RIMS1: variants seen among roughly 807,000 people sequenced by gnomAD.
RIMS1 encodes regulating synaptic membrane exocytosis protein 1.
RIMS1 carries 83 observed loss-of-function variants against 214.1 expected under a neutral mutation model. That is an observed-to-expected ratio of 0.39 (90% CI 0.32 to 0.47). RIMS1 has a LOEUF of 0.47. RIMS1 is among the 20% of genes least tolerant of loss of function. RIMS1 has a pLI of 0.99. For missense variants in RIMS1, 2,050 were observed against 2,161.8 expected (o/e 0.95, Z 1.03); for synonymous variants, 793 against 786.8 (o/e 1.01, Z -0.13).
intron 2 of RIMS1, among the ~76,000 whole-genome samples, chr6:72,031,090 G>A (rs1817984722): frequency 6.6e-6 from 1 of 152,120 alleles, no homozygotes; most frequent in African/African-American, 2.4e-5. Context: ...ATTATATCTT[G>A]TAATTATGAA....
intron 4 of RIMS1, among the ~76,000 whole-genome samples, chr6:72,142,546 GAT>G (rs2042204923): frequency 6.6e-6 from 1 of 151,964 alleles, no homozygotes; most frequent in South Asian, 2.1e-4. Flanking sequence ...ATCAATAAAA[GAT>G]AGCTCTTTTA....
chr6:72,261,212 G>C (rs2077834979), intron 19 of RIMS1: 3 of 1,007,982 alleles, frequency 3.0e-6, no homozygotes, highest in Non-Finnish European at 3.6e-6. Flanking sequence ...ATTTATTGTT[G>C]TTTATATTCT....
At chr6:72,190,656 G>A (rs2153980473) in intron 6 of RIMS1, among the ~76,000 whole-genome samples, 1 of 152,164 alleles carries the variant, frequency 6.6e-6, no homozygotes, top group South Asian at 2.1e-4. Flanking sequence ...TGCTGTGGGG[G>A]AGAAGGCAGG....
chr6:72,144,553 C>G (rs532150070), intron 4 of RIMS1, among the ~76,000 whole-genome samples: 5 of 152,094 alleles, frequency 3.3e-5, no homozygotes, highest in African/African-American at 1.2e-4. Context: ...TTGGTGGCTA[C>G]AGTTGTGCCT....
intron 29 of RIMS1, among the ~76,000 whole-genome samples, chr6:72,378,025 T>C (rs2098420983): frequency 6.6e-6 from 1 of 152,200 alleles, no homozygotes; most frequent in African/African-American, 2.4e-5. Context: ...CAAGAATAAA[T>C]AAATACCTGC....
At position 72,086,731 on chromosome 6, in the gene RIMS1, G is replaced by A. The variant is rs182257958; in HGVS notation, c.246-10218G>A. Among the ~76,000 whole-genome samples the A allele has an allele frequency of 9.8e-4, 149 of 152,206 alleles. 1 individual carries two copies. Among genetic ancestry groups the A allele is most frequent in the African/African-American group, 3.2e-3 (131 of 41,528 alleles). Reference sequence around the variant, plus strand: ...TGTAGTGTAAGATGTATGAGAAAACGTATGTGAGAGATGCTAATAGATAAG... The same window carrying A: ...TGTAGTGTAAGATGTATGAGAAAACATATGTGAGAGATGCTAATAGATAAG... On this transcript the variant is annotated intron_variant, in intron 2 of 33. Coordinates refer to ENST00000521978, the MANE Select transcript of RIMS1 (RefSeq NM_014989.7).
At chr6:72,238,429 A>T (rs2065222404) in intron 9 of RIMS1, among the ~76,000 whole-genome samples, 1 of 152,076 alleles carries the variant, frequency 6.6e-6, no homozygotes, top group Admixed American at 6.6e-5. Flanking sequence ...TGTATAATAA[A>T]ATATTAGTAA....
intron 2 of RIMS1, among the ~76,000 whole-genome samples, chr6:72,014,915 C>T (rs1247842448): frequency 6.6e-6 from 1 of 152,124 alleles, no homozygotes; most frequent in Admixed American, 6.6e-5. Flanking sequence ...TATTTCTTTT[C>T]CGGCTCAGAT....
intron 29 of RIMS1, among the ~76,000 whole-genome samples, chr6:72,336,978 C>G (rs949200421): frequency 6.6e-6 from 1 of 151,716 alleles, no homozygotes; most frequent in Non-Finnish European, 1.5e-5. Context: ...TTCCTCTTCC[C>G]CTATGAAATA....
At chr6:71,986,827 G>C (rs1348888900) in intron 2 of RIMS1, among the ~76,000 whole-genome samples, 1 of 152,256 alleles carries the variant, frequency 6.6e-6, no homozygotes, top group African/African-American at 2.4e-5. Flanking sequence ...GCCCAAGGGT[G>C]CTGCTGTGTG....
chr6:72,355,203 C>G (rs1320281981), intron 29 of RIMS1, among the ~76,000 whole-genome samples: 1 of 152,132 alleles, frequency 6.6e-6, no homozygotes, highest in Non-Finnish European at 1.5e-5. Flanking sequence ...ATCTTCTAGT[C>G]AATCCATAGT....
chr6:72,165,644 G>T (rs1416524030), intron 4 of RIMS1, among the ~76,000 whole-genome samples: 7 of 151,940 alleles, frequency 4.6e-5, no homozygotes. Flanking sequence ...ATGTACTTTT[G>T]CTCCTTGCAT....
intron 1 of RIMS1, among the ~76,000 whole-genome samples, chr6:71,901,811 A>G (rs1486523048): frequency 2.0e-5 from 3 of 152,164 alleles, no homozygotes; most frequent in Non-Finnish European, 4.4e-5. Context: ...AATTCTGCAG[A>G]GACATCAAAT....
At chr6:72,079,103 A>G (rs1201109479) in intron 2 of RIMS1, among the ~76,000 whole-genome samples, 2 of 152,164 alleles carry the variant, frequency 1.3e-5, no homozygotes. Flanking sequence ...TAACCATTTA[A>G]TATAACCTCT....
chr6:72,222,760 T>C (rs1262330738), intron 6 of RIMS1, among the ~76,000 whole-genome samples: 5 of 152,214 alleles, frequency 3.3e-5, no homozygotes, highest in Non-Finnish European at 7.4e-5. Flanking sequence ...GATTTCATCC[T>C]TGTTTTTATA....
intron 4 of RIMS1, among the ~76,000 whole-genome samples, chr6:72,111,960 AC>A (rs2036177111): frequency 6.6e-6 from 1 of 152,176 alleles, no homozygotes. Context: ...CAGTGAGGAG[AC>A]CACCAAAGAG....
At chr6:72,186,284 T>C (rs1449112677) in intron 6 of RIMS1, among the ~76,000 whole-genome samples, 2 of 152,240 alleles carry the variant, frequency 1.3e-5, no homozygotes, top group Non-Finnish European at 2.9e-5. Context: ...AACTTTGAGG[T>C]AAAAAGTTCA....
At chr6:71,956,707 T>G (rs1051296975) in intron 1 of RIMS1, among the ~76,000 whole-genome samples, 24 of 152,330 alleles carry the variant, frequency 1.6e-4, no homozygotes, top group Middle Eastern at 3.4e-3. Context: ...AAAGCTCTTT[T>G]ATGACCGACT....
chr6:72,396,630 A>G (rs1320094613), intron 31 of RIMS1, among the ~76,000 whole-genome samples: 6 of 152,214 alleles, frequency 3.9e-5, no homozygotes, highest in Admixed American at 3.9e-4. Flanking sequence ...ATTAAAGGGA[A>G]TGTCCTAGAT....
Sources: gnomAD v4.1 joint callset for allele counts (sites outside exome capture counted in the v4.1 genomes callset) on GRCh38, gnomAD v4.1.1 for gene constraint, MANE v1.5 for transcripts, NCBI Gene and HGNC (gene_info 2026-07-23, HGNC 2026-07-21) for gene names.